Variants in SGSM1 observed in about 807,000 individuals in gnomAD.
SGSM1 encodes the protein RUN and TBC1 domain containing 2.
In SGSM1, 73 loss-of-function variants were observed where a neutral mutation model predicts 133.8. The observed-to-expected ratio is 0.55, with a 90% confidence interval of 0.45 to 0.66. The LOEUF (loss-of-function observed/expected upper bound fraction) is 0.66, where lower values mean the gene tolerates loss of function less well. Ranked by LOEUF, SGSM1 falls within the 30% of genes least tolerant of loss-of-function variation. SGSM1 has a pLI of 0.00. For synonymous variants in SGSM1, 563 were observed against 573.0 expected, an observed-to-expected ratio of 0.98 and a Z score of 0.25; for missense variants, 1,213 against 1,448.1, an observed-to-expected ratio of 0.84 and a Z score of 2.64.
rs778054102 is a variant in SGSM1, at chr22:24,893,525, C to T, written c.1865C>T (p.Ala622Val). The T allele has an allele frequency of 2.0e-5, 33 of 1,611,260 alleles. No individual in the cohort carries two copies. The East Asian group carries it at 4.5e-4, about 22-fold the overall frequency. The change falls in exon 17 of 25, where the codon GCG becomes GTG. Residue 622 changes from alanine to valine, a missense_variant. By Grantham distance (64) the Ala-to-Val change is moderately conservative. Coordinates refer to ENST00000400358, the MANE Select transcript of SGSM1 (RefSeq NM_001098497.3). ...IVRQRERESH[A>V]AALAKCSSGA... ...CGGCAGAGGGAGCGGGAGTCCCATG[C>T]GGCCGCCCTGGCCAAATGCTCATCC...
chr22:24,874,982 G>A (rs1931958487), intron 12 of SGSM1, among the ~76,000 whole-genome samples: 1 of 152,198 alleles, frequency 6.6e-6, no homozygotes, highest in African/African-American at 2.4e-5. Flanking sequence ...AGCCACATTT[G>A]GTGGCTGCAA....
chr22:24,873,775 T>C (rs6004339), intron 12 of SGSM1, among the ~76,000 whole-genome samples: 64,525 of 151,948 alleles, frequency 0.42, 17,610 homozygotes, highest in African/African-American at 0.78. Flanking sequence ...ATCACTTGAG[T>C]CTGGGAGATC....
intron 14 of SGSM1, among the ~76,000 whole-genome samples, chr22:24,880,769 A>G (rs1229664420): frequency 1.3e-5 from 2 of 152,232 alleles, no homozygotes; most frequent in Non-Finnish European, 2.9e-5. Context: ...TCTTTGGACA[A>G]TGTGGCTCAT....
intron 2 of SGSM1, among the ~76,000 whole-genome samples, chr22:24,815,165 G>C (rs140990609): frequency 6.6e-6 from 1 of 152,218 alleles, no homozygotes; most frequent in East Asian, 1.9e-4. Flanking sequence ...GCAAAGAACA[G>C]TAACAGTTCC....
chr22:24,835,936 A>G (rs2093573833), intron 2 of SGSM1, among the ~76,000 whole-genome samples: 2 of 152,222 alleles, frequency 1.3e-5, no homozygotes, highest in African/African-American at 4.8e-5. Context: ...CTATGTGAAC[A>G]TATACCATAT....
intron 21 of SGSM1, among the ~76,000 whole-genome samples, chr22:24,906,212 C>T (rs769038497): frequency 9.2e-5 from 14 of 152,042 alleles, no homozygotes; most frequent in African/African-American, 3.1e-4. Context: ...AATCCAACAC[C>T]CTTTCATAAT....
At chr22:24,838,526 G>T (rs1404952147) in intron 2 of SGSM1, among the ~76,000 whole-genome samples, 3 of 152,142 alleles carry the variant, frequency 2.0e-5, no homozygotes, top group Non-Finnish European at 2.9e-5. Flanking sequence ...CCTTCTCTGA[G>T]GAAGGAACTC....
At chr22:24,850,146 G>T in intron 4 of SGSM1, 134 bp from the exon 5 acceptor site, 1 of 903,212 alleles carries the variant, frequency 1.1e-6, no homozygotes, top group South Asian at 1.8e-5. Context: ...CTTGCTAGCG[G>T]CAATATGGGC....
At chr22:24,817,311 T>C (rs1928153225) in intron 2 of SGSM1, among the ~76,000 whole-genome samples, 1 of 152,140 alleles carries the variant, frequency 6.6e-6, no homozygotes, top group Non-Finnish European at 1.5e-5. Flanking sequence ...TAGAAACATC[T>C]TGTACTTGCT....
chr22:24,914,478 C>A (rs1933749538), intron 22 of SGSM1, among the ~76,000 whole-genome samples: 1 of 151,314 alleles, frequency 6.6e-6, no homozygotes, highest in Non-Finnish European at 1.5e-5. Context: ...TCTGTCCCCC[C>A]CCCCAAAAAA....
Position 24,879,518 on chromosome 22 carries a change from T to G in SGSM1, c.1487T>G (p.Phe496Cys). ...NMKYQILSRAFYGWLAYCRHL... is the reference protein window; with the variant it reads ...NMKYQILSRACYGWLAYCRHL... ...AAGTACCAGATCCTCTCCAGAGCCT[T>G]CTATGGATGTACGTATAGGGCTCCA... The change falls in exon 14 of 25, where the codon TTC becomes TGC. Residue 496 changes from phenylalanine to cysteine, a missense_variant. Coordinates refer to ENST00000400358, the MANE Select transcript of SGSM1 (RefSeq NM_001098497.3). 1 of 1,613,558 alleles carries G rather than the reference T, an allele frequency of 6.2e-7. No homozygotes were observed. The highest frequency in any genetic ancestry group is 8.5e-7 in the Non-Finnish European group (1 of 1,179,752).
chr22:24,850,445 G>A lies in SGSM1; in HGVS notation c.455+13G>A. 1 of 1,613,428 alleles carries A rather than the reference G, an allele frequency of 6.2e-7. No individual in the cohort carries two copies. The highest frequency in any genetic ancestry group is 8.5e-7 in the Non-Finnish European group (1 of 1,179,544). On this transcript the variant is annotated intron_variant, in intron 5 of 24. Coordinates refer to ENST00000400358, the MANE Select transcript of SGSM1 (RefSeq NM_001098497.3). ...TGGAAAACAGCAGGTGAGAGGGAAAGACCTGACACCTGGCCATGCTCTGCC... is the reference window on the plus strand; with the variant it reads ...TGGAAAACAGCAGGTGAGAGGGAAAAACCTGACACCTGGCCATGCTCTGCC...
rs1292629811 is a variant in SGSM1 at position 24,839,331 on chromosome 22, TG to T, written c.64-5563del. Reference sequence around the variant, plus strand: ...CTTTTGCCTCAGCCTCCCAAAGTGCTGGGATTATAGGCATGAGCAACTGGAC... The same window carrying T: ...CTTTTGCCTCAGCCTCCCAAAGTGCTGGATTATAGGCATGAGCAACTGGAC... On this transcript the variant is annotated intron_variant, in intron 2 of 24. Coordinates refer to ENST00000400358, the MANE Select transcript of SGSM1 (RefSeq NM_001098497.3). Among the ~76,000 whole-genome samples, 11 of 152,240 alleles carry T rather than the reference TG, an allele frequency of 7.2e-5. No individual in the cohort carries two copies. In the East Asian group the frequency reaches 1.9e-3, roughly 27 times the overall value.
At chr22:24,903,712 C>T (rs1475193145) in intron 20 of SGSM1, among the ~76,000 whole-genome samples, 1 of 152,084 alleles carries the variant, frequency 6.6e-6, no homozygotes, top group Non-Finnish European at 1.5e-5. Context: ...AAACCATAGG[C>T]TGGGCACGGC....
chr22:24,913,600 A>G (rs980969174), intron 22 of SGSM1, among the ~76,000 whole-genome samples: 5 of 152,362 alleles, frequency 3.3e-5, no homozygotes, highest in Admixed American at 6.5e-5. Context: ...CAGTGGGGCT[A>G]CAGTTAGCTC....
chr22:24,822,690 G>A (rs2147796749), intron 2 of SGSM1, among the ~76,000 whole-genome samples: 1 of 152,298 alleles, frequency 6.6e-6, no homozygotes, highest in East Asian at 1.9e-4. Flanking sequence ...CCGTCCCCTG[G>A]CTCTGGGAGC....
At chr22:24,814,464 C>G (rs1401451110) in intron 2 of SGSM1, among the ~76,000 whole-genome samples, 1 of 152,042 alleles carries the variant, frequency 6.6e-6, no homozygotes, top group Non-Finnish European at 1.5e-5. Context: ...AGGGGTCTGG[C>G]TGCACAATCC....
intron 22 of SGSM1, 135 bp downstream of exon 22, chr22:24,912,887 A>T (rs1020639271): frequency 6.4e-6 from 4 of 621,260 alleles, no homozygotes; most frequent in Non-Finnish European, 1.2e-5. Flanking sequence ...CAAACTCAGC[A>T]TATACTCTTA....
intron 14 of SGSM1, among the ~76,000 whole-genome samples, chr22:24,881,955 G>A (rs1204210496): frequency 6.6e-6 from 1 of 152,084 alleles, no homozygotes; most frequent in African/African-American, 2.4e-5. Flanking sequence ...AGAAGGCAGG[G>A]CCATCTTTGA....
Sources: gnomAD v4.1 joint callset for allele counts (sites outside exome capture counted in the v4.1 genomes callset) on GRCh38, gnomAD v4.1.1 for gene constraint, MANE v1.5 for transcripts, NCBI Gene and HGNC (gene_info 2026-07-23, HGNC 2026-07-21) for gene names.